TBC1D22A: variants seen among roughly 807,000 people sequenced by gnomAD.
The protein encoded by TBC1D22A is TBC1 domain family member 22A.
Under a neutral mutation model 60.2 loss-of-function variants are expected in TBC1D22A, and 38 were observed. The ratio of observed to expected loss-of-function variants is 0.63; its 90% confidence interval spans 0.49 to 0.83. TBC1D22A has a LOEUF of 0.83. Among genes scored for constraint, TBC1D22A ranks in the 40% least tolerant of loss-of-function variants. TBC1D22A has a pLI of 0.00. For synonymous variants in TBC1D22A, 302 were observed against 281.7 expected (o/e 1.07, Z -0.72); for missense variants, 628 against 701.0 (o/e 0.90, Z 1.18).
chr22:46,931,403 T>G (rs2147891447), intron 8 of TBC1D22A, among the ~76,000 whole-genome samples: 1 of 152,344 alleles, frequency 6.6e-6, no homozygotes, highest in Admixed American at 6.5e-5. Context: ...AAAATTACAG[T>G]CATTGTTGAA....
intron 11 of TBC1D22A, among the ~76,000 whole-genome samples, chr22:47,077,699 G>A (rs1013026366): frequency 7.2e-5 from 11 of 152,244 alleles, no homozygotes; most frequent in Admixed American, 2.0e-4. Flanking sequence ...GCAGAGCACC[G>A]AAGGCTGCGG....
chr22:47,029,302 G>A (rs8139545), intron 10 of TBC1D22A, among the ~76,000 whole-genome samples: 118 of 122,184 alleles, frequency 9.7e-4, no homozygotes, highest in Non-Finnish European at 1.5e-3. Context: ...ACCCCTTCCC[G>A]TGGGGCCCGG....
intron 7 of TBC1D22A, among the ~76,000 whole-genome samples, chr22:46,904,984 C>T (rs570775351): frequency 8.6e-5 from 13 of 151,386 alleles, no homozygotes; most frequent in South Asian, 2.1e-4. Flanking sequence ...CCGTGTTAGC[C>T]GGGATGGTCT....
intron 9 of TBC1D22A, among the ~76,000 whole-genome samples, chr22:46,978,558 G>A (rs8142299): frequency 0.099 from 15,031 of 152,164 alleles, 1,959 homozygotes; most frequent in African/African-American, 0.3. Flanking sequence ...TGAAGAATGT[G>A]AAGAAAATCC....
At chr22:46,791,650 T>G (rs1218499005) in intron 1 of TBC1D22A, among the ~76,000 whole-genome samples, 1 of 152,132 alleles carries the variant, frequency 6.6e-6, no homozygotes, top group Non-Finnish European at 1.5e-5. Flanking sequence ...AGCAAAGGCT[T>G]CTGGGTAGAG....
At chr22:46,764,187 G>C (rs775788637) in intron 1 of TBC1D22A, 4 of 152,202 alleles carry the variant, frequency 2.6e-5, no homozygotes, top group African/African-American at 9.7e-5. Context: ...AGAATGAAGG[G>C]AGTCATCAAA....
At chr22:47,061,108 T>C (rs188416979) in intron 11 of TBC1D22A, among the ~76,000 whole-genome samples, 57 of 150,694 alleles carry the variant, frequency 3.8e-4, no homozygotes, top group Non-Finnish European at 7.2e-4. Context: ...TCTTCCTCGG[T>C]GCCCTCACCA....
chr22:47,174,657 A>G lies in TBC1D22A; in HGVS notation c.*1031A>G, dbSNP rs878999031. The G allele has an allele frequency of 6.2e-5, 9 of 145,546 alleles. No individual in the cohort carries two copies. Among genetic ancestry groups the G allele is most frequent in the African/African-American group, 1.2e-4 (5 of 40,648 alleles). 9.0% of individuals were successfully genotyped at this position (145,546 alleles called of 1,614,324 possible). ...GGTTCCTCCGTGGACCGGTTCCGCC[A>G]TGGACCGGTTCCGCCATGGACCACT... On this transcript the variant is annotated 3_prime_UTR_variant, in exon 13 of 13. Transcript: ENST00000337137.
intron 12 of TBC1D22A, among the ~76,000 whole-genome samples, chr22:47,143,599 A>G (rs1196552120): frequency 1.3e-5 from 2 of 152,202 alleles, no homozygotes; most frequent in Non-Finnish European, 2.9e-5. Context: ...AACAACAGAA[A>G]CTGGGTCCTG....
chr22:47,103,169 GGT>G (rs151324371), intron 11 of TBC1D22A, among the ~76,000 whole-genome samples: 1 of 152,192 alleles, frequency 6.6e-6, no homozygotes, highest in Non-Finnish European at 1.5e-5. Flanking sequence ...TGGATTTGGG[GGT>G]GTGTGTGTAA....
intron 8 of TBC1D22A, among the ~76,000 whole-genome samples, chr22:46,920,092 A>T (rs910446185): frequency 1.5e-5 from 1 of 65,292 alleles, no homozygotes; most frequent in South Asian, 5.2e-4. Context: ...TGTATGAATG[A>T]AGGAGAGAGA....
At chr22:47,022,933 A>T (rs888932197) in intron 10 of TBC1D22A, among the ~76,000 whole-genome samples, 2 of 152,238 alleles carry the variant, frequency 1.3e-5, no homozygotes, top group Admixed American at 1.3e-4. Flanking sequence ...TAGGAATAAA[A>T]AAATATCAGG....
intron 10 of TBC1D22A, among the ~76,000 whole-genome samples, chr22:47,002,787 C>T (rs560376027): frequency 5.9e-5 from 9 of 152,300 alleles, no homozygotes; most frequent in Middle Eastern, 3.4e-3. Flanking sequence ...GGGCTCCACC[C>T]TCACGTTGTT....
At chr22:46,887,249 A>G (rs1477554086) in intron 5 of TBC1D22A, among the ~76,000 whole-genome samples, 1 of 152,230 alleles carries the variant, frequency 6.6e-6, no homozygotes, top group Non-Finnish European at 1.5e-5. Context: ...ATTCAGATGA[A>G]AATGAAATGT....
At chr22:47,012,498 G>C (rs755314588) in intron 10 of TBC1D22A, among the ~76,000 whole-genome samples, 1 of 152,198 alleles carries the variant, frequency 6.6e-6, no homozygotes, top group Non-Finnish European at 1.5e-5. Context: ...TGTGCCCAGA[G>C]TGGTGCTTTG....
chr22:47,018,728 G>C (rs969821932), intron 10 of TBC1D22A, among the ~76,000 whole-genome samples: 1 of 152,096 alleles, frequency 6.6e-6, no homozygotes, highest in South Asian at 2.1e-4. Context: ...CCTGCTCACC[G>C]GTCGTCATCG....
chr22:47,165,880 G>A (rs976609771), intron 12 of TBC1D22A, among the ~76,000 whole-genome samples: 5 of 152,254 alleles, frequency 3.3e-5, no homozygotes, highest in South Asian at 2.1e-4. Flanking sequence ...CTGCACACGC[G>A]GAGTGTCAGG....
chr22:46,985,764 TC>T (rs377659408), intron 9 of TBC1D22A, among the ~76,000 whole-genome samples: 41 of 152,348 alleles, frequency 2.7e-4, no homozygotes, highest in African/African-American at 8.9e-4. Context: ...TTCTGGCTGT[TC>T]CACGTCAGAA....
At chr22:47,036,949 G>C in intron 10 of TBC1D22A, 122 bp from the exon 11 acceptor site, 4 of 1,165,768 alleles carry the variant, frequency 3.4e-6, no homozygotes, top group Middle Eastern at 2.5e-4. Flanking sequence ...TTGTTGCTTG[G>C]GATTCCCTGT....
Sources: allele counts gnomAD v4.1 joint callset (sites outside exome capture counted in the v4.1 genomes callset), GRCh38; gene constraint gnomAD v4.1.1; transcripts MANE v1.5; gene names NCBI Gene and HGNC (gene_info 2026-07-23, HGNC 2026-07-21).